SLC35F1: variants seen among roughly 807,000 people sequenced by gnomAD.
The protein encoded by SLC35F1 is chromosome 6 open reading frame 169.
SLC35F1 carries 14 observed loss-of-function variants against 48.7 expected under a neutral mutation model. The ratio of observed to expected loss-of-function variants is 0.29; its 90% CI spans 0.19 to 0.45. The LOEUF (loss-of-function observed/expected upper bound fraction) is 0.45, where lower values mean the gene tolerates loss of function less well. SLC35F1 is among the 20% of genes least tolerant of loss of function. The pLI is 1.00. For synonymous variants in SLC35F1, 190 were observed against 202.2 expected (o/e 0.94, Z 0.51); for missense variants, 404 against 500.0 (o/e 0.81, Z 1.83).
chr6:117,988,917 G>T (rs74511030), intron 1 of SLC35F1, among the ~76,000 whole-genome samples: 4,083 of 152,224 alleles, frequency 0.027, 152 homozygotes, highest in East Asian at 0.11. Context: ...ACTTAAAAGT[G>T]GTTAAAATGG....
At chr6:117,950,094 C>A (rs1160541404) in intron 1 of SLC35F1, among the ~76,000 whole-genome samples, 1 of 152,182 alleles carries the variant, frequency 6.6e-6, no homozygotes, top group Non-Finnish European at 1.5e-5. Context: ...GCCCCATACC[C>A]AATCTTGTTC....
intron 2 of SLC35F1, among the ~76,000 whole-genome samples, chr6:118,234,442 A>G (rs1245698439): frequency 6.6e-6 from 1 of 152,126 alleles, no homozygotes; most frequent in Non-Finnish European, 1.5e-5. Context: ...TCCTTGGGGT[A>G]AGGGACCAAT....
chr6:117,921,688 T>A (rs1194193166), intron 1 of SLC35F1, among the ~76,000 whole-genome samples: 1 of 152,214 alleles, frequency 6.6e-6, no homozygotes, highest in Non-Finnish European at 1.5e-5. Context: ...ACTCTTAGGC[T>A]GATAAATGAA....
At chr6:118,156,243 A>G (rs201542642) in intron 2 of SLC35F1, among the ~76,000 whole-genome samples, 3 of 152,046 alleles carry the variant, frequency 2.0e-5, no homozygotes, top group African/African-American at 7.2e-5. Context: ...AAAAAAAAAA[A>G]GCATGAAACT....
intron 1 of SLC35F1, among the ~76,000 whole-genome samples, chr6:118,007,872 C>G (rs1777194645): frequency 6.6e-6 from 1 of 152,026 alleles, no homozygotes; most frequent in South Asian, 2.1e-4. Flanking sequence ...GGCTGCATTT[C>G]TTTTCTGGAG....
intron 1 of SLC35F1, among the ~76,000 whole-genome samples, chr6:118,137,909 C>G (rs970235546): frequency 2.0e-5 from 3 of 152,128 alleles, no homozygotes; most frequent in African/African-American, 7.2e-5. Context: ...CTAACATAAT[C>G]CCTCCATGGG....
At chr6:118,300,032 G>C (rs912166130) in intron 7 of SLC35F1, among the ~76,000 whole-genome samples, 2 of 152,152 alleles carry the variant, frequency 1.3e-5, no homozygotes, top group African/African-American at 4.8e-5. Flanking sequence ...AAATAATGCT[G>C]TTATTAAGGC....
In SLC35F1 at chr6:118,287,767, C is replaced by T. The variant is rs542784288; in HGVS notation, c.1002+2429C>T. 9.2e-5 allele frequency among the ~76,000 whole-genome samples: 14 copies of T among 152,250 alleles called. No homozygotes were observed. The East Asian group carries it at 1.4e-3, about 15-fold the overall frequency. The stretch of plus-strand genomic sequence containing the variant: ...TGATGTGGGGTTAAACCTGGGGTTC[C>T]TCAAACTTACACACATCAGGAAATG... On this transcript the variant is annotated intron_variant, in intron 7 of 7. Coordinates refer to ENST00000360388, the MANE Select transcript of SLC35F1 (RefSeq NM_001029858.4).
chr6:118,277,613 G>C (rs1775933820), intron 6 of SLC35F1, 67 bp downstream of exon 6: 2 of 1,414,672 alleles, frequency 1.4e-6, no homozygotes, highest in Non-Finnish European at 1.0e-6. Context: ...GAATGATGTG[G>C]GTCGGGTGGA....
intron 2 of SLC35F1, among the ~76,000 whole-genome samples, chr6:118,224,168 T>C (rs1297713832): frequency 6.6e-6 from 1 of 152,206 alleles, no homozygotes; most frequent in African/African-American, 2.4e-5. Flanking sequence ...ATAGTTTCAT[T>C]ATGATTGCTT....
intron 7 of SLC35F1, among the ~76,000 whole-genome samples, chr6:118,289,644 A>G (rs1216605467): frequency 6.6e-6 from 1 of 152,162 alleles, no homozygotes; most frequent in Non-Finnish European, 1.5e-5. Flanking sequence ...TATCATGTAT[A>G]TGTTTCCATA....
chr6:118,046,025 G>A (rs1388141215), intron 1 of SLC35F1, among the ~76,000 whole-genome samples: 1 of 152,124 alleles, frequency 6.6e-6, no homozygotes, highest in African/African-American at 2.4e-5. Context: ...ATATTGGAAA[G>A]TACACCAATT....
chr6:118,220,573 T>C (rs1775133887), intron 2 of SLC35F1, among the ~76,000 whole-genome samples: 1 of 152,116 alleles, frequency 6.6e-6, no homozygotes, highest in Admixed American at 6.5e-5. Flanking sequence ...ACAAGCAGCA[T>C]TGCAGTCTCT....
At chr6:118,201,418 G>A (rs994706905) in intron 2 of SLC35F1, among the ~76,000 whole-genome samples, 8 of 152,178 alleles carry the variant, frequency 5.3e-5, no homozygotes, top group African/African-American at 1.7e-4. Context: ...GTGAAATAAG[G>A]TAGGAAGTTG....
intron 1 of SLC35F1, among the ~76,000 whole-genome samples, chr6:118,125,691 G>C (rs1166470299): frequency 6.6e-6 from 1 of 152,136 alleles, no homozygotes; most frequent in African/African-American, 2.4e-5. Context: ...CCCCAAGCTG[G>C]TTCTATCTTA....
At position 118,161,418 on chromosome 6, in the gene SLC35F1, A is replaced by G. The variant is rs185352950; in HGVS notation, c.349+6798A>G. 3.1e-3 allele frequency among the ~76,000 whole-genome samples: 472 copies of G among 152,344 alleles called. 3 individuals are homozygous for G. The highest frequency in any genetic ancestry group is 0.017 in the Middle Eastern group (5 of 294). The stretch of plus-strand genomic sequence containing the variant: ...CAGTTCTCTGGGTAACACTGACTAA[A>G]TCACTGAGAAGGGACTGTTATTAGC... On this transcript the variant is annotated intron_variant, in intron 2 of 7. Transcript: ENST00000360388.
At chr6:118,019,090 C>T (rs1777359271) in intron 1 of SLC35F1, among the ~76,000 whole-genome samples, 2 of 152,012 alleles carry the variant, frequency 1.3e-5, no homozygotes, top group South Asian at 4.1e-4. Flanking sequence ...TAAACTTTTG[C>T]ATGTATAAAT....
intron 3 of SLC35F1, among the ~76,000 whole-genome samples, chr6:118,237,616 C>G (rs914295849): frequency 2.0e-5 from 3 of 152,110 alleles, no homozygotes; most frequent in African/African-American, 7.2e-5. Flanking sequence ...TCTTGAACTC[C>G]TGGGCTCAAG....
chr6:118,017,721 C>A (rs1332000469), intron 1 of SLC35F1, among the ~76,000 whole-genome samples: 1 of 152,080 alleles, frequency 6.6e-6, no homozygotes, highest in East Asian at 1.9e-4. Context: ...AAGTTAAGTT[C>A]CCTTTTAATT....
Sources: allele counts gnomAD v4.1 joint callset (sites outside exome capture counted in the v4.1 genomes callset), GRCh38; gene constraint gnomAD v4.1.1; transcripts MANE v1.5; gene names NCBI Gene and HGNC (gene_info 2026-07-23, HGNC 2026-07-21).